CRYZL1: variants seen among roughly 807,000 people sequenced by gnomAD.
CRYZL1 encodes crystallin zeta like 1.
CRYZL1 carries 34 observed loss-of-function variants against 50.6 expected under a neutral mutation model. That is an observed-to-expected ratio of 0.67 (90% CI 0.51 to 0.89). The LOEUF is 0.89. Among genes scored for constraint, CRYZL1 ranks in the 40% least tolerant of loss-of-function variants. CRYZL1 has a pLI of 0.00. For synonymous variants in CRYZL1, 125 were observed against 134.3 expected (o/e 0.93, Z 0.48); for missense variants, 354 against 402.3 (o/e 0.88, Z 1.03).
At position 33,597,394 on chromosome 21, in the gene CRYZL1, T is replaced by C. The variant is rs145103923; in HGVS notation, c.684A>G (p.Leu228=). 3.2e-6 allele frequency: 5 copies of C among 1,575,590 alleles called. No homozygotes were observed. The highest frequency in any genetic ancestry group is 2.7e-5 in the African/African-American group (2 of 74,134). ...CAGCTGGTTCATCATCTTTACTATA[T>C]AATCTCACTTGCAAGGGAATAGTTT... is the stretch of plus-strand genomic sequence containing the variant. The part of the protein sequence containing the change: ...VDIVLDAGVR[L]YSKDDEPAVK... Residue 228 remains leucine, a synonymous_variant, in exon 10 of 13, where the codon TTA becomes TTG. Transcript: ENST00000381554.
chr21:33,602,488 A>G (rs2086767216), intron 7 of CRYZL1, 143 bp from the exon 8 acceptor site: 1 of 444,922 alleles, frequency 2.2e-6, no homozygotes, highest in Non-Finnish European at 4.0e-6. Context: ...GGAAAAGAGC[A>G]AAGTTATGGG....
chr21:33,621,140 C>T (rs1468139827), intron 4 of CRYZL1, among the ~76,000 whole-genome samples: 4 of 147,906 alleles, frequency 2.7e-5, no homozygotes, highest in Non-Finnish European at 3.0e-5. Flanking sequence ...CTCCTGACCT[C>T]GTGATCCGCC....
intron 11 of CRYZL1, among the ~76,000 whole-genome samples, chr21:33,594,067 G>A (rs1235400826): frequency 6.9e-6 from 1 of 145,824 alleles, no homozygotes; most frequent in Non-Finnish European, 1.5e-5. Flanking sequence ...TTTGTTAACT[G>A]TTACTTTTAA....
intron 8 of CRYZL1, among the ~76,000 whole-genome samples, chr21:33,600,818 C>CG (rs2086743765): frequency 2.0e-5 from 3 of 150,390 alleles, no homozygotes; most frequent in South Asian, 2.1e-4. Context: ...TTAATAGAGA[C>CG]AGGTTTCACC....
At chr21:33,627,739 G>GTTT (rs35217060) in intron 2 of CRYZL1, among the ~76,000 whole-genome samples, 62 of 84,356 alleles carry the variant, frequency 7.3e-4, no homozygotes, top group East Asian at 1.3e-3. Flanking sequence ...ATGAGACATG[G>GTTT]TTTTTTTTTT....
At chr21:33,619,423 C>T (rs2086969835) in intron 4 of CRYZL1, among the ~76,000 whole-genome samples, 1 of 152,238 alleles carries the variant, frequency 6.6e-6, no homozygotes, top group Non-Finnish European at 1.5e-5. Flanking sequence ...AATCTGATAT[C>T]TAAGGCTCAA....
rs1375310605 is a variant in CRYZL1, at chr21:33,589,556, CA to C, written c.*265del. The C allele has an allele frequency of 2.1e-6, 1 of 476,868 alleles. No homozygotes were observed. Among genetic ancestry groups the C allele is most frequent in the African/African-American group, 2.0e-5 (1 of 49,616 alleles). 29.5% of individuals were successfully genotyped at this position (476,868 alleles called of 1,614,324 possible). A position where few individuals can be genotyped will look rare whatever the true frequency, so the allele number is the denominator to read the frequency against. ...TTTCTTCATGGAAGGAATTTTATAG[CA>C]GGGGCAAAATATATAGAAACAATGA... On this transcript the variant is annotated 3_prime_UTR_variant, in exon 13 of 13. Transcript: ENST00000381554.
intron 3 of CRYZL1, among the ~76,000 whole-genome samples, chr21:33,622,735 G>T (rs188915322): frequency 1.1e-3 from 166 of 152,188 alleles, no homozygotes; most frequent in Non-Finnish European, 2.0e-3. Flanking sequence ...TTAAGCTCCT[G>T]GCACTTAACA....
intron 1 of CRYZL1, 121 bp from the exon 2 acceptor site, chr21:33,631,678 A>C (rs560302913): frequency 3.8e-6 from 2 of 523,734 alleles, no homozygotes; most frequent in Non-Finnish European, 3.0e-6. Flanking sequence ...GTTTTCAAAT[A>C]AGTAAATTTA....
At chr21:33,616,472 A>C (rs2086933531) in intron 5 of CRYZL1, 1 of 496,270 alleles carries the variant, frequency 2.0e-6, no homozygotes, top group African/African-American at 2.0e-5. Context: ...TTGTATTTTT[A>C]GTAGAGACGA....
At chr21:33,596,827 GA>G (rs1331041607) in intron 10 of CRYZL1, among the ~76,000 whole-genome samples, 14 of 145,692 alleles carry the variant, frequency 9.6e-5, no homozygotes, top group Admixed American at 4.8e-4. Flanking sequence ...ATATGGAATG[GA>G]AAAAAAAAGC....
intron 5 of CRYZL1, among the ~76,000 whole-genome samples, chr21:33,614,242 T>C (rs1439881411): frequency 6.6e-6 from 1 of 151,836 alleles, no homozygotes; most frequent in Non-Finnish European, 1.5e-5. Flanking sequence ...TCCAACACTT[T>C]GGGAGGCCAA....
At chr21:33,592,172 C>T (rs1200253403) in intron 11 of CRYZL1, among the ~76,000 whole-genome samples, 25 of 148,964 alleles carry the variant, frequency 1.7e-4, no homozygotes, top group African/African-American at 6.2e-4. Context: ...AGACAGGGGC[C>T]CCCTCTGTGG....
Position 33,616,713 on chromosome 21 carries a change from TTCA to T in CRYZL1, c.252_254del (p.Asp84del), listed in dbSNP as rs758963259. The T allele has an allele frequency of 1.2e-6, 2 of 1,609,398 alleles. No individual in the cohort carries two copies. The highest frequency in any genetic ancestry group is 2.2e-5 in the East Asian group (1 of 44,700). ...CTATGAACTATAACTTACCAACTAC[TTCA>T]TCATCTGGTTGAAAGAATGATACCT... is the stretch of plus-strand genomic sequence containing the variant. On this transcript the variant is annotated inframe_deletion, in exon 5 of 13. Transcript: ENST00000381554.
At chr21:33,611,144 T>C (rs1730102639) in intron 6 of CRYZL1, among the ~76,000 whole-genome samples, 1 of 152,218 alleles carries the variant, frequency 6.6e-6, no homozygotes, top group South Asian at 2.1e-4. Context: ...AGGCCAACCA[T>C]TCAAGGAAAC....
Position 33,613,724 on chromosome 21 carries a change from A to G in CRYZL1, c.263-118T>C, listed in dbSNP as rs894672608. ...TTTGAGGAAGGTTCCAGTAATTACT[A>G]GTGTGGACAAGAAAAAATTCAGAAA... On this transcript the variant is annotated intron_variant, in intron 5 of 12. Coordinates refer to ENST00000381554, the MANE Select transcript of CRYZL1 (RefSeq NM_145858.3). 19 of 692,636 alleles carry G rather than the reference A, an allele frequency of 2.7e-5. No individual in the cohort carries two copies. The Admixed American group carries it at 4.3e-4, about 16-fold the overall frequency. The allele number at this position is 692,636 out of a possible 1,614,324, so 42.9% of individuals were successfully genotyped here.
intron 6 of CRYZL1, among the ~76,000 whole-genome samples, chr21:33,605,530 C>CTT (rs146096008): frequency 1.9e-5 from 1 of 53,196 alleles, no homozygotes; most frequent in African/African-American, 8.1e-5. Flanking sequence ...TACAAGAATT[C>CTT]TTTTTTTTTT....
At chr21:33,611,041 G>T (rs2086868167) in intron 6 of CRYZL1, among the ~76,000 whole-genome samples, 1 of 151,940 alleles carries the variant, frequency 6.6e-6, no homozygotes, top group African/African-American at 2.4e-5. Context: ...AATTGTTGTT[G>T]TTTTTAATAA....
In CRYZL1 at chr21:33,622,129, A is replaced by G. The variant is rs533968797; in HGVS notation, c.145-61T>C. 34 of 1,304,806 alleles carry G rather than the reference A, an allele frequency of 2.6e-5. No individual in the cohort carries two copies. In the East Asian group the frequency reaches 6.8e-4, roughly 26 times the overall value. The allele number at this position is 1,304,806 out of a possible 1,614,324, so 80.8% of individuals were successfully genotyped here. ...CAGAAGAAATCCTGGACTCCATTAT[A>G]TATGAGGAAAGCGAGAGTAAAAGTC... On this transcript the variant is annotated intron_variant, in intron 3 of 12. Transcript: ENST00000381554.
Sources: allele counts gnomAD v4.1 joint callset (sites outside exome capture counted in the v4.1 genomes callset), GRCh38; gene constraint gnomAD v4.1.1; transcripts MANE v1.5; gene names NCBI Gene and HGNC (gene_info 2026-07-23, HGNC 2026-07-21).